CNTNAP2: variants seen among roughly 807,000 people sequenced by gnomAD.
The protein encoded by CNTNAP2 is contactin associated protein 2.
CNTNAP2 carries 98 observed loss-of-function variants against 155.2 expected under a neutral mutation model. The ratio of observed to expected loss-of-function variants is 0.63; its 90% CI spans 0.54 to 0.75. The LOEUF is 0.75. Among genes scored for constraint, CNTNAP2 ranks in the 30% least tolerant of loss-of-function variants. The probability of loss-of-function intolerance (pLI) is 0.00; values close to 1 mark genes in which losing one functional copy is unlikely to be tolerated. For missense variants in CNTNAP2, 1,727 were observed against 1,688.1 expected, an observed-to-expected ratio of 1.02 and a Z score of -0.40; for synonymous variants, 651 against 631.2, an observed-to-expected ratio of 1.03 and a Z score of -0.47.
At chr7:146,761,619 C>G (rs1292806287) in intron 1 of CNTNAP2, among the ~76,000 whole-genome samples, 1 of 152,190 alleles carries the variant, frequency 6.6e-6, no homozygotes, top group Admixed American at 6.5e-5. Context: ...CTGGAGTGCT[C>G]TTCTCTGTCA....
chr7:147,860,128 T>A (rs1799110790), intron 13 of CNTNAP2, among the ~76,000 whole-genome samples: 1 of 151,908 alleles, frequency 6.6e-6, no homozygotes, highest in African/African-American at 2.4e-5. Flanking sequence ...ATCTAATACT[T>A]TGAAGGGATT....
chr7:146,717,135 A>G (rs1040289864), intron 1 of CNTNAP2, among the ~76,000 whole-genome samples: 7 of 152,150 alleles, frequency 4.6e-5, no homozygotes, highest in African/African-American at 1.7e-4. Flanking sequence ...TATGCCTGGC[A>G]GCATATTATT....
At chr7:147,901,586 CTT>C (rs1380920049) in intron 13 of CNTNAP2, among the ~76,000 whole-genome samples, 6 of 152,168 alleles carry the variant, frequency 3.9e-5, no homozygotes, top group Non-Finnish European at 8.8e-5. Context: ...ACCTTTCTGT[CTT>C]TTTACATTCT....
At chr7:147,657,921 G>C (rs1795549214) in intron 13 of CNTNAP2, among the ~76,000 whole-genome samples, 1 of 152,116 alleles carries the variant, frequency 6.6e-6, no homozygotes, top group Non-Finnish European at 1.5e-5. Flanking sequence ...AATTCTAGTA[G>C]CTGAAATTAT....
At chr7:147,112,114 G>A (rs1017337692) in intron 5 of CNTNAP2, among the ~76,000 whole-genome samples, 8 of 151,902 alleles carry the variant, frequency 5.3e-5, no homozygotes, top group Admixed American at 3.3e-4. Flanking sequence ...TATATCTTAG[G>A]TATTTTATAT....
In CNTNAP2 at chr7:147,703,609, T is replaced by C. The variant is rs139778285; in HGVS notation, c.2098+64303T>C. On this transcript the variant is annotated intron_variant, in intron 13 of 23. Transcript: ENST00000361727. Reference sequence around the variant, plus strand: ...ATAATAGCTGTATGTATTTATGAGATACACGTGATATTTTGTTACATGCAT... The same window carrying C: ...ATAATAGCTGTATGTATTTATGAGACACACGTGATATTTTGTTACATGCAT... 6.3e-3 allele frequency among the ~76,000 whole-genome samples: 957 copies of C among 152,298 alleles called. 16 individuals are homozygous for C. The highest frequency in any genetic ancestry group is 0.022 in the African/African-American group (899 of 41,570).
In CNTNAP2 at chr7:147,489,913, C is replaced by G. The variant is rs145585843; in HGVS notation, c.1777+3872C>G. On this transcript the variant is annotated intron_variant, in intron 11 of 23. Coordinates refer to ENST00000361727, the MANE Select transcript of CNTNAP2 (RefSeq NM_014141.6). ...TACAGGCATGAGCCACCATGCCTGG[C>G]CAAACATTCTTATATATACTACTAG... Among the ~76,000 whole-genome samples, 673 of 152,218 alleles carry G rather than the reference C, an allele frequency of 4.4e-3. 7 individuals are homozygous for G. The highest frequency in any genetic ancestry group is 6.8e-3 in the Middle Eastern group (2 of 294).
intron 1 of CNTNAP2, among the ~76,000 whole-genome samples, chr7:146,436,674 T>G (rs1005524969): frequency 2.0e-5 from 3 of 147,444 alleles, no homozygotes; most frequent in Admixed American, 1.3e-4. Context: ...CAGAAACCTC[T>G]AAAACTTGAT....
chr7:147,018,933 C>T (rs543081377), intron 3 of CNTNAP2, among the ~76,000 whole-genome samples: 30 of 152,090 alleles, frequency 2.0e-4, no homozygotes, highest in Admixed American at 1.8e-3. Flanking sequence ...ACAATTTGTA[C>T]AATTACCAGT....
chr7:148,234,932 T>C (rs1796020068), intron 20 of CNTNAP2, among the ~76,000 whole-genome samples: 1 of 152,316 alleles, frequency 6.6e-6, no homozygotes, highest in Non-Finnish European at 1.5e-5. Flanking sequence ...TAAGGATGTA[T>C]CATTTTGGCT....
chr7:146,347,963 A>G (rs774463900), intron 1 of CNTNAP2, among the ~76,000 whole-genome samples: 7 of 152,214 alleles, frequency 4.6e-5, no homozygotes, highest in Non-Finnish European at 8.8e-5. Context: ...TGAAACAGTT[A>G]TCATCAGTTG....
At chr7:148,303,395 G>A (rs1011242741) in intron 21 of CNTNAP2, among the ~76,000 whole-genome samples, 5 of 152,164 alleles carry the variant, frequency 3.3e-5, no homozygotes, top group African/African-American at 1.2e-4. Context: ...CGGGTAGGTG[G>A]ACAGCCAACA....
At chr7:147,658,212 C>G (rs1414406536) in intron 13 of CNTNAP2, among the ~76,000 whole-genome samples, 8 of 146,978 alleles carry the variant, frequency 5.4e-5, no homozygotes, top group South Asian at 2.2e-4. Context: ...AGCCGAGATC[C>G]CGCCACTGCA....
intron 14 of CNTNAP2, among the ~76,000 whole-genome samples, chr7:147,932,304 G>A (rs1037521351): frequency 1.3e-5 from 2 of 152,158 alleles, no homozygotes; most frequent in African/African-American, 2.4e-5. Context: ...CACACTTCTT[G>A]ATTTCAAAAT....
intron 13 of CNTNAP2, among the ~76,000 whole-genome samples, chr7:147,639,736 A>C (rs1166076383): frequency 1.3e-5 from 2 of 152,222 alleles, no homozygotes; most frequent in African/African-American, 4.8e-5. Context: ...CTTTCTTCCC[A>C]GTAGTTGCTT....
At chr7:146,914,125 ATTAT>A (rs753990233) in intron 3 of CNTNAP2, among the ~76,000 whole-genome samples, 9 of 152,050 alleles carry the variant, frequency 5.9e-5, no homozygotes, top group Non-Finnish European at 1.2e-4. Flanking sequence ...TTTTTAAAAC[ATTAT>A]TTATGCTTTA....
intron 1 of CNTNAP2, among the ~76,000 whole-genome samples, chr7:146,244,644 A>G (rs1447497794): frequency 6.6e-6 from 1 of 152,128 alleles, no homozygotes; most frequent in Non-Finnish European, 1.5e-5. Context: ...CATAAAGGAT[A>G]TAAAGGTTTC....
chr7:148,286,507 T>G (rs373962966), intron 21 of CNTNAP2, among the ~76,000 whole-genome samples: 108 of 152,218 alleles, frequency 7.1e-4, no homozygotes, highest in Admixed American at 1.6e-3. Context: ...CATAAATTAA[T>G]TTTGTGGGCC....
At chr7:148,038,870 G>A (rs2710146) in intron 15 of CNTNAP2, among the ~76,000 whole-genome samples, 51 of 112,802 alleles carry the variant, frequency 4.5e-4, no homozygotes, top group African/African-American at 1.6e-3. Flanking sequence ...ATGGATGGAT[G>A]GATAGATAGA....
Sources: gnomAD v4.1 joint callset for allele counts (sites outside exome capture counted in the v4.1 genomes callset) on GRCh38, gnomAD v4.1.1 for gene constraint, MANE v1.5 for transcripts, NCBI Gene and HGNC (gene_info 2026-07-23, HGNC 2026-07-21) for gene names.